The following HIVEP3 variants were observed in gnomAD, a reference collection of about 807,000 sequenced individuals.
The protein encoded by HIVEP3 is HIVEP zinc finger 3.
Under a neutral mutation model 152.8 loss-of-function variants are expected in HIVEP3, and 49 were observed. The observed-to-expected ratio is 0.32, with a 90% CI of 0.26 to 0.41. The LOEUF (loss-of-function observed/expected upper bound fraction) is 0.41, where lower values mean the gene tolerates loss of function less well. HIVEP3 is among the 10% of genes least tolerant of loss of function. The probability of loss-of-function intolerance (pLI) is 1.00; values close to 1 mark genes in which losing one functional copy is unlikely to be tolerated. For missense variants in HIVEP3, 2,790 were observed against 3,103.3 expected, an observed-to-expected ratio of 0.90 and a Z score of 2.40; for synonymous variants, 1,269 against 1,289.0, an observed-to-expected ratio of 0.98 and a Z score of 0.33.
chr1:41,641,153 C>A (rs1364641158), intron 2 of HIVEP3, among the ~76,000 whole-genome samples: 2 of 152,250 alleles, frequency 1.3e-5, no homozygotes, highest in Non-Finnish European at 2.9e-5. Flanking sequence ...GATCCCATAA[C>A]AAGATTGCTG....
chr1:41,760,108 G>A (rs1468468096), intron 1 of HIVEP3, among the ~76,000 whole-genome samples: 2 of 152,272 alleles, frequency 1.3e-5, no homozygotes, highest in East Asian at 3.9e-4. Context: ...AAGAGCTGGA[G>A]GCTGCAGTAC....
At chr1:41,710,557 C>T (rs78973439) in intron 1 of HIVEP3, among the ~76,000 whole-genome samples, 313 of 152,304 alleles carry the variant, frequency 2.1e-3, no homozygotes, top group African/African-American at 6.8e-3. Flanking sequence ...TGGTCCCCTG[C>T]GCCAACTGGC....
Position 41,581,282 on chromosome 1 carries a change from C to T in HIVEP3, c.3516G>A (p.Leu1172=). Residue 1172 remains leucine, a synonymous_variant, in exon 4 of 9, where the codon CTG becomes CTA. Coordinates refer to ENST00000372583, the MANE Select transcript of HIVEP3 (RefSeq NM_024503.5). This position sits in a 1 kb window ranked among gnomAD's most constrained non-coding sequence, Gnocchi z 4.5. ...GTGGGGGCATGGAGTATGGTGAGGA[C>T]AGGAGGCTGGACATGGCCTGGGTGG... The part of the protein sequence containing the change: ...FFSTQAMSSL[L]SSPYSMPPLP... 1 of 1,609,268 alleles carries T rather than the reference C, an allele frequency of 6.2e-7. No individual in the cohort carries two copies. Among genetic ancestry groups the T allele is most frequent in the Non-Finnish European group, 8.5e-7 (1 of 1,177,880 alleles).
At chr1:41,599,110 C>T (rs1188511913) in intron 3 of HIVEP3, among the ~76,000 whole-genome samples, 1 of 152,148 alleles carries the variant, frequency 6.6e-6, no homozygotes, top group African/African-American at 2.4e-5. Flanking sequence ...AGCCACCACA[C>T]CCAGTCTCAG....
intron 2 of HIVEP3, among the ~76,000 whole-genome samples, chr1:41,689,756 C>CT (rs1646167667): frequency 6.6e-6 from 1 of 152,244 alleles, no homozygotes; most frequent in Admixed American, 6.5e-5. Context: ...CCTGGCCCAG[C>CT]TAATCCAAAC....
intron 5 of HIVEP3, among the ~76,000 whole-genome samples, chr1:41,545,042 C>T (rs1471644921): frequency 1.1e-5 from 1 of 93,890 alleles, no homozygotes; most frequent in African/African-American, 3.4e-5. Context: ...CCACCAATAC[C>T]ACTACCACCA....
chr1:42,017,853 G>C (rs566706135), intron 1 of HIVEP3, among the ~76,000 whole-genome samples: 1 of 152,014 alleles, frequency 6.6e-6, no homozygotes, highest in Non-Finnish European at 1.5e-5. Flanking sequence ...ACTGCCCAAC[G>C]GTCTTCCATA....
intron 1 of HIVEP3, among the ~76,000 whole-genome samples, chr1:41,827,405 T>C (rs1335031404): frequency 6.6e-6 from 1 of 152,068 alleles, no homozygotes; most frequent in African/African-American, 2.4e-5. Context: ...CAATTTACCA[T>C]CACCTGCAAG....
At chr1:41,676,512 G>A (rs752792907) in intron 2 of HIVEP3, among the ~76,000 whole-genome samples, 15 of 152,266 alleles carry the variant, frequency 9.9e-5, no homozygotes, top group Non-Finnish European at 1.2e-4. Flanking sequence ...CAATGCTTCC[G>A]AGCCTCAGTT....
intron 1 of HIVEP3, among the ~76,000 whole-genome samples, chr1:41,766,917 C>T (rs1648046152): frequency 6.6e-6 from 1 of 152,156 alleles, no homozygotes; most frequent in Non-Finnish European, 1.5e-5. Flanking sequence ...TAAGCAGTGC[C>T]CCAACCAACC....
chr1:42,031,316 G>A (rs974457025), intron 1 of HIVEP3, among the ~76,000 whole-genome samples: 23 of 152,210 alleles, frequency 1.5e-4, no homozygotes, highest in African/African-American at 5.3e-4. Flanking sequence ...CTGTGTTCCA[G>A]CAGGTTGTCT....
intron 1 of HIVEP3, among the ~76,000 whole-genome samples, chr1:41,726,330 C>A (rs933397603): frequency 3.3e-5 from 5 of 152,314 alleles, no homozygotes; most frequent in Admixed American, 6.5e-5. Context: ...AAGGCACCAT[C>A]TCTAAGTTGT....
intron 1 of HIVEP3, among the ~76,000 whole-genome samples, chr1:41,827,400 T>C (rs1642835307): frequency 6.6e-6 from 1 of 152,130 alleles, no homozygotes. Context: ...TTTACCAATT[T>C]ACCATCACCT....
chr1:41,686,931 G>C (rs1646124030), intron 2 of HIVEP3, among the ~76,000 whole-genome samples: 1 of 152,168 alleles, frequency 6.6e-6, no homozygotes, highest in South Asian at 2.1e-4. Flanking sequence ...CCTGGTCCAG[G>C]CACTGGGCAC....
chr1:41,867,004 G>A lies in HIVEP3; in HGVS notation c.-801+51409C>T, dbSNP rs977843490. On this transcript the variant is annotated intron_variant, in intron 1 of 8. Coordinates refer to ENST00000372583, the MANE Select transcript of HIVEP3 (RefSeq NM_024503.5). ...GGCAAAACAGACATCTTTAAAGCTT[G>A]CAAAATATATGATTCTGTCATTCCT... Among the ~76,000 whole-genome samples, 11 of 152,338 alleles carry A rather than the reference G, an allele frequency of 7.2e-5. No homozygotes were observed. In the South Asian group the frequency reaches 1.2e-3, roughly 17 times the overall value.
intron 5 of HIVEP3, among the ~76,000 whole-genome samples, chr1:41,553,378 T>C (rs1317786708): frequency 6.6e-6 from 1 of 152,218 alleles, no homozygotes; most frequent in Non-Finnish European, 1.5e-5. Flanking sequence ...CCCTTTATTT[T>C]GAGCCTATGT....
At chr1:41,546,387 G>C (rs528703670) in intron 5 of HIVEP3, among the ~76,000 whole-genome samples, 1 of 152,240 alleles carries the variant, frequency 6.6e-6, no homozygotes, top group Non-Finnish European at 1.5e-5. Context: ...AAAGCAAGGA[G>C]TGCTCTTCTC....
intron 1 of HIVEP3, among the ~76,000 whole-genome samples, chr1:41,986,459 G>A (rs1283012320): frequency 1.7e-5 from 1 of 59,754 alleles, no homozygotes; most frequent in Non-Finnish European, 3.4e-5. Context: ...TTTTTTTTTT[G>A]AGACGCAGTC....
intron 5 of HIVEP3, among the ~76,000 whole-genome samples, chr1:41,570,984 T>G (rs926894224): frequency 1.3e-5 from 2 of 152,132 alleles, no homozygotes; most frequent in African/African-American, 2.4e-5. Flanking sequence ...CTGGGTATGC[T>G]TAAGGAGCAC....
Sources: allele counts gnomAD v4.1 joint callset (sites outside exome capture counted in the v4.1 genomes callset), GRCh38; gene constraint gnomAD v4.1.1; non-coding constraint Gnocchi (gnomAD v3.1); transcripts MANE v1.5; gene names NCBI Gene and HGNC (gene_info 2026-07-23, HGNC 2026-07-21).